PCNT: variants seen among roughly 807,000 people sequenced by gnomAD.
PCNT encodes kendrin.
In PCNT, 319 loss-of-function variants were observed where a neutral mutation model predicts 380.4. That is an observed-to-expected ratio of 0.84 (90% CI 0.77 to 0.92). The LOEUF is 0.92. Ranked by LOEUF, PCNT falls within the 40% of genes least tolerant of loss-of-function variation. PCNT has a pLI of 0.00. For missense variants in PCNT, 4,400 were observed against 4,255.3 expected, an observed-to-expected ratio of 1.03 and a Z score of -0.95; for synonymous variants, 1,845 against 1,735.2, an observed-to-expected ratio of 1.06 and a Z score of -1.57.
At chr21:46,426,088 T>TTTG in intron 33 of PCNT, 117 bp downstream of exon 33, 1 of 1,071,540 alleles carries the variant, frequency 9.3e-7, no homozygotes, top group Non-Finnish European at 1.3e-6. Flanking sequence ...TTTTTTTTTT[T>TTTG]TTTTTTTTGA....
chr21:46,353,033 C>G (rs1485329864), intron 9 of PCNT, 71 bp from the exon 10 acceptor site: 1 of 1,272,158 alleles, frequency 7.9e-7, no homozygotes, highest in African/African-American at 1.5e-5. Flanking sequence ...GGTAACCAGG[C>G]TCTTGCCTCT....
Position 46,388,960 on chromosome 21 carries a change from C to T in PCNT, c.3607+76C>T. Reference sequence around the variant, plus strand: ...GGTCCTGGAGCTCTCTGAGAGGAGCCTCCGTATTGGGCGATGCCCTTGGGA... The same window carrying T: ...GGTCCTGGAGCTCTCTGAGAGGAGCTTCCGTATTGGGCGATGCCCTTGGGA... On this transcript the variant is annotated intron_variant, in intron 18 of 46. Transcript: ENST00000359568. This position sits in a 1 kb window ranked among gnomAD's most constrained non-coding sequence, Gnocchi z 4.2. 2 of 1,528,708 alleles carry T rather than the reference C, an allele frequency of 1.3e-6. No homozygotes were observed. Among genetic ancestry groups the T allele is most frequent in the South Asian group, 2.4e-5 (2 of 84,204 alleles). 94.7% of individuals were successfully genotyped at this position (1,528,708 alleles called of 1,614,324 possible).
rs890886217 is a variant in PCNT, at chr21:46,427,887, C to T, written c.7494+92C>T. The T allele has an allele frequency of 2.6e-5, 38 of 1,434,006 alleles. No individual in the cohort carries two copies. In the South Asian group the frequency reaches 2.8e-4, roughly 11 times the overall value. The allele number at this position is 1,434,006 out of a possible 1,614,324, so 88.8% of individuals were successfully genotyped here. ...CACAGACTGTTTTGTGTGTGAATTT[C>T]GGTTTGTGTGTTTCTCTCGACCGCT... On this transcript the variant is annotated intron_variant, in intron 34 of 46. Coordinates refer to ENST00000359568, the MANE Select transcript of PCNT (RefSeq NM_006031.6).
chr21:46,405,044 G>A (rs1466449273), intron 27 of PCNT, among the ~76,000 whole-genome samples: 2 of 152,160 alleles, frequency 1.3e-5, no homozygotes, highest in African/African-American at 2.4e-5. Flanking sequence ...TTCGAGATCA[G>A]CCTGGACAAC....
intron 45 of PCNT, 152 bp downstream of exon 45, chr21:46,444,100 T>A: frequency 1.2e-6 from 1 of 834,388 alleles, no homozygotes; most frequent in Non-Finnish European, 1.8e-6. Context: ...GGCCAAGAAG[T>A]CCCGCCCTGT....
At chr21:46,400,567 G>GGAGTGCAGTGGCGCAATCTTGGCTC (rs2086388059) in intron 25 of PCNT, among the ~76,000 whole-genome samples, 1 of 112,642 alleles carries the variant, frequency 8.9e-6, no homozygotes, top group Non-Finnish European at 1.9e-5. Flanking sequence ...CACCCAGGCT[G>GGAGTGCAGTGGCGCAATCTTGGCTC]GAGTGCAGTG....
Position 46,357,137 on chromosome 21 carries a change from A to T in PCNT, c.2100A>T (p.Arg700Ser). The change falls in exon 13 of 47, where the codon AGA (arginine) becomes AGT (serine). Residue 700 changes from arginine (R) to serine (S), a missense_variant. By Grantham distance (110) the Arg-to-Ser change is moderately radical (BLOSUM62 -1). Transcript: ENST00000359568. The part of the protein sequence containing the change: ...EEIELLKIEN[R>S]NLYGKLQHET... Reference sequence around the variant, plus strand: ...TTGAACTCCTAAAAATAGAAAATAGAAATTTGTATGGGAAGTTGCAGCATG... The same window carrying T: ...TTGAACTCCTAAAAATAGAAAATAGTAATTTGTATGGGAAGTTGCAGCATG... 2 of 1,614,094 alleles carry T rather than the reference A, an allele frequency of 1.2e-6. No homozygotes were observed. Among genetic ancestry groups the T allele is most frequent in the Non-Finnish European group, 1.7e-6 (2 of 1,179,924 alleles).
chr21:46,420,244 CTCT>C (rs1222211832), intron 31 of PCNT, among the ~76,000 whole-genome samples: 1 of 152,180 alleles, frequency 6.6e-6, no homozygotes, highest in Non-Finnish European at 1.5e-5. Context: ...ATGATTTTCT[CTCT>C]TCTTTTTGTA....
chr21:46,422,027 A>T lies in PCNT; in HGVS notation c.7082A>T (p.Gln2361Leu). The stretch of plus-strand genomic sequence containing the variant: ...CCGGGGTCAGGAGGCCCTGAGGCTC[A>T]AACTGCTGGTCCTGTGACCCCTGCT... The part of the protein sequence containing the change: ...LSPGSGGPEA[Q>L]TAGPVTPASI... The change falls in exon 32 of 47, where the codon CAA (glutamine) becomes CTA (leucine). Residue 2361 changes from glutamine to leucine, a missense_variant. Transcript: ENST00000359568. 1 of 1,613,874 alleles carries T rather than the reference A, an allele frequency of 6.2e-7. No homozygotes were observed. Among genetic ancestry groups the T allele is most frequent in the Non-Finnish European group, 8.5e-7 (1 of 1,179,998 alleles).
intron 9 of PCNT, 59 bp downstream of exon 9, chr21:46,351,599 T>A: frequency 2.0e-6 from 2 of 1,012,158 alleles, no homozygotes; most frequent in Non-Finnish European, 3.2e-6. Flanking sequence ...TGTTTTTCAT[T>A]GTTGTAACAC....
At chr21:46,432,823 G>A (rs760907290) in intron 38 of PCNT, among the ~76,000 whole-genome samples, 1 of 152,122 alleles carries the variant, frequency 6.6e-6, no homozygotes, top group Non-Finnish European at 1.5e-5. Flanking sequence ...GGTTTTCCAT[G>A]TTGGCCAGGC....
At chr21:46,401,751 C>G in intron 26 of PCNT, 30 bp downstream of exon 26, 6 of 1,612,536 alleles carry the variant, frequency 3.7e-6, no homozygotes, top group Non-Finnish European at 5.1e-6. Flanking sequence ...ATGGGACTGC[C>G]AGCCCTGGGT....
Position 46,366,727 on chromosome 21 carries a change from A to C in PCNT, c.2753A>C (p.Glu918Ala), listed in dbSNP as rs2084942770. The C allele has an allele frequency of 6.2e-7, 1 of 1,613,586 alleles. No homozygotes were observed. Among genetic ancestry groups the C allele is most frequent in the Non-Finnish European group, 8.5e-7 (1 of 1,180,030 alleles). Residue 918 changes from glutamate to alanine, a missense_variant, in exon 15 of 47, where the codon GAG (glutamate) becomes GCG (alanine). Transcript: ENST00000359568. The stretch of plus-strand genomic sequence containing the variant: ...CAGCAGCTCCTGTCAGTGACGGCGG[A>C]GCTCGAGGCCAGACACCAGGCCGCG... ...HQQQLLSVTA[E>A]LEARHQAALG...
chr21:46,381,697 G>A lies in PCNT; in HGVS notation c.3169G>A (p.Glu1057Lys). 6.2e-7 allele frequency: 1 copy of A among 1,613,572 alleles called. No individual in the cohort carries two copies. Among genetic ancestry groups the A allele is most frequent in the Non-Finnish European group, 8.5e-7 (1 of 1,179,470 alleles). ...TTATTGTTATTGATGTGTACAGGGT[G>A]AATTTGGAAGTGAAAAGAAAACTGC... ...AHELQGVHQG[E>K]FGSEKKTALH... The change falls in exon 16 of 47, where the codon GAA becomes AAA. Residue 1057 changes from glutamate to lysine, a missense_variant. Transcript: ENST00000359568.
intron 15 of PCNT, among the ~76,000 whole-genome samples, chr21:46,377,207 G>C (rs941777572): frequency 6.6e-6 from 1 of 152,180 alleles, no homozygotes; most frequent in African/African-American, 2.4e-5. Flanking sequence ...TCCTCCTCCT[G>C]AAGCTGGTGG....
In PCNT at chr21:46,416,390, G is replaced by A; in HGVS notation, c.6472G>A (p.Gly2158Ser). Residue 2158 changes from glycine to serine, a missense_variant, in exon 30 of 47, where the codon GGT becomes AGT. By Grantham distance (56) the Gly-to-Ser change is moderately conservative. Coordinates refer to ENST00000359568, the MANE Select transcript of PCNT (RefSeq NM_006031.6). ...DACDANTTPG[G>S]VTDVIKNWDS... ...GTGTGATGCCAATACAACCCCAGGG[G>A]GTGTAACTGATGTTATCAAAAATTG... The A allele has an allele frequency of 6.2e-7, 1 of 1,614,146 alleles. No homozygotes were observed. The highest frequency in any genetic ancestry group is 8.5e-7 in the Non-Finnish European group (1 of 1,180,020).
Position 46,425,928 on chromosome 21 carries a change from A to C in PCNT, c.7277A>C (p.Glu2426Ala). 1 of 1,614,136 alleles carries C rather than the reference A, an allele frequency of 6.2e-7. No individual in the cohort carries two copies. The highest frequency in any genetic ancestry group is 8.5e-7 in the Non-Finnish European group (1 of 1,180,026). ...PSGEPHPPRK[E>A]DEIQDISLHG... The stretch of plus-strand genomic sequence containing the variant: ...GGCGAGCCACACCCACCCCGGAAGG[A>C]AGACGAGATACAGGACATCTCGCTC... The change falls in exon 33 of 47, where the codon GAA (glutamate) becomes GCA (alanine). Residue 2426 changes from glutamate (E) to alanine (A), a missense_variant. Transcript: ENST00000359568. This position sits in a 1 kb window ranked among gnomAD's most constrained non-coding sequence, Gnocchi z 4.2.
chr21:46,354,050 C>G lies in PCNT; in HGVS notation c.1743C>G (p.Leu581=). 6.2e-7 allele frequency: 1 copy of G among 1,613,996 alleles called. No individual in the cohort carries two copies. Among genetic ancestry groups the G allele is most frequent in the Non-Finnish European group, 8.5e-7 (1 of 1,179,902 alleles). ...GAAGAAAAGATCACGTTGATGAACTCGAGCCTGAGCGACATAAGGTAATTG... is the reference window on the plus strand; with the variant it reads ...GAAGAAAAGATCACGTTGATGAACTGGAGCCTGAGCGACATAAGGTAATTG... ...EKGRKDHVDE[L]EPERHKESLP... The change falls in exon 11 of 47, where the codon CTC becomes CTG. Residue 581 remains leucine, a synonymous_variant. Coordinates refer to ENST00000359568, the MANE Select transcript of PCNT (RefSeq NM_006031.6).
At chr21:46,351,339 G>T (rs1476518951) in intron 8 of PCNT, 90 bp from the exon 9 acceptor site, 4 of 789,736 alleles carry the variant, frequency 5.1e-6, no homozygotes, top group Middle Eastern at 3.0e-4. Context: ...CCTTAGGATC[G>T]CAGTGGCAGG....
Sources: allele counts gnomAD v4.1 joint callset (sites outside exome capture counted in the v4.1 genomes callset), GRCh38; gene constraint gnomAD v4.1.1; non-coding constraint Gnocchi (gnomAD v3.1); transcripts MANE v1.5; gene names NCBI Gene and HGNC (gene_info 2026-07-23, HGNC 2026-07-21).